SUFU: variants seen among roughly 807,000 people sequenced by gnomAD.
SUFU encodes suppressor of fused homolog.
Under a neutral mutation model 58.9 loss-of-function variants are expected in SUFU, and 7 were observed. The ratio of observed to expected loss-of-function variants is 0.12; its 90% CI spans 0.07 to 0.22. SUFU has a LOEUF of 0.22. SUFU is among the 10% of genes least tolerant of loss of function. The probability of loss-of-function intolerance (pLI) is 1.00; values close to 1 mark genes in which losing one functional copy is unlikely to be tolerated. For synonymous variants in SUFU, 232 were observed against 254.8 expected, an observed-to-expected ratio of 0.91 and a Z score of 0.85; for missense variants, 451 against 641.3, an observed-to-expected ratio of 0.70 and a Z score of 3.20.
intron 6 of SUFU, 21 bp downstream of exon 6, chr10:102,594,086 A>G: frequency 6.2e-7 from 1 of 1,612,986 alleles, no homozygotes; most frequent in Non-Finnish European, 8.5e-7. Context: ...AGTGAGGAAA[A>G]CCTTTCTAGC....
At chr10:102,588,392 CAAAA>C (rs201096208) in intron 3 of SUFU, among the ~76,000 whole-genome samples, 3 of 91,592 alleles carry the variant, frequency 3.3e-5, no homozygotes. Flanking sequence ...GACTCTGTCT[CAAAA>C]AAAAAAAAAA....
chr10:102,600,901 G>A (rs2063509995), intron 8 of SUFU, among the ~76,000 whole-genome samples: 1 of 152,172 alleles, frequency 6.6e-6, no homozygotes, highest in Non-Finnish European at 1.5e-5. Flanking sequence ...CCCTGAAGTA[G>A]CTGGCTGGAG....
chr10:102,554,919 C>T (rs984855524), intron 3 of SUFU, among the ~76,000 whole-genome samples: 1 of 152,184 alleles, frequency 6.6e-6, no homozygotes, highest in Non-Finnish European at 1.5e-5. Flanking sequence ...GTGCCTGGTA[C>T]GCAGTAAGTA....
At chr10:102,535,968 ATGT>A (rs1417092810) in intron 2 of SUFU, among the ~76,000 whole-genome samples, 106 of 147,922 alleles carry the variant, frequency 7.2e-4, no homozygotes, top group African/African-American at 2.1e-3. Flanking sequence ...GATGATGATG[ATGT>A]TGTTGATGAT....
At chr10:102,613,181 G>T (rs933031732) in intron 8 of SUFU, among the ~76,000 whole-genome samples, 1 of 152,254 alleles carries the variant, frequency 6.6e-6, no homozygotes, top group Non-Finnish European at 1.5e-5. Flanking sequence ...GAAAGAGGGA[G>T]ATTAAACAAC....
intron 3 of SUFU, among the ~76,000 whole-genome samples, chr10:102,569,050 G>T (rs944621186): frequency 1.3e-5 from 2 of 149,398 alleles, no homozygotes; most frequent in African/African-American, 5.0e-5. Flanking sequence ...CCCTCTGGAT[G>T]AACTTGCAGA....
intron 1 of SUFU, among the ~76,000 whole-genome samples, chr10:102,505,987 A>C (rs1358675644): frequency 7.0e-6 from 1 of 143,642 alleles, no homozygotes; most frequent in Non-Finnish European, 1.5e-5. Context: ...CCTTGAGGCC[A>C]GGAGTTCGAG....
intron 1 of SUFU, among the ~76,000 whole-genome samples, chr10:102,508,263 C>T (rs563283714): frequency 7.9e-5 from 12 of 152,148 alleles, no homozygotes; most frequent in South Asian, 2.1e-4. Flanking sequence ...TGTGAGCCAC[C>T]GTGCCCGGCC....
At chr10:102,527,089 G>A (rs1221676274) in intron 2 of SUFU, among the ~76,000 whole-genome samples, 2 of 141,486 alleles carry the variant, frequency 1.4e-5, no homozygotes, top group African/African-American at 2.6e-5. Flanking sequence ...TGCAAGCTCC[G>A]CCTTCTGGTG....
intron 3 of SUFU, among the ~76,000 whole-genome samples, chr10:102,580,077 A>G (rs2063260394): frequency 8.6e-6 from 1 of 116,166 alleles, no homozygotes; most frequent in Non-Finnish European, 1.7e-5. Flanking sequence ...TTTCTTTCTT[A>G]AAGAGAGTTT....
chr10:102,604,763 G>A (rs963077061), intron 8 of SUFU, among the ~76,000 whole-genome samples: 1 of 152,030 alleles, frequency 6.6e-6, no homozygotes, highest in African/African-American at 2.4e-5. Flanking sequence ...GGGGATGGCG[G>A]CCCCTGGTGC....
chr10:102,590,232 C>A (rs994720056), intron 3 of SUFU, among the ~76,000 whole-genome samples: 9 of 129,332 alleles, frequency 7.0e-5, no homozygotes, highest in Non-Finnish European at 1.4e-4. Flanking sequence ...GTGGCGCAAT[C>A]TCTGCTCACT....
intron 3 of SUFU, among the ~76,000 whole-genome samples, chr10:102,590,441 A>C (rs2063387647): frequency 6.6e-6 from 1 of 152,060 alleles, no homozygotes; most frequent in Non-Finnish European, 1.5e-5. Flanking sequence ...CTGGGATTAC[A>C]GGCATGAGCC....
At chr10:102,531,851 G>GT (rs2062680901) in intron 2 of SUFU, among the ~76,000 whole-genome samples, 1 of 152,142 alleles carries the variant, frequency 6.6e-6, no homozygotes, top group Admixed American at 6.6e-5. Flanking sequence ...GTTCTTGAGA[G>GT]TGACTGTTAG....
In SUFU at chr10:102,632,320, A is replaced by G; in HGVS notation, c.*2165A>G. ...GGGGGAGCAGGGTAAGGCAGGAGGA[A>G]GTGGGTGAGCTCCGAGATGATGAGC... On this transcript the variant is annotated 3_prime_UTR_variant, in exon 12 of 12. Transcript: ENST00000369902. The G allele has an allele frequency of 4.3e-6, 1 of 233,294 alleles. No individual in the cohort carries two copies. The allele number at this position is 233,294 out of a possible 1,614,324, so 14.5% of individuals were successfully genotyped here. A position where few individuals can be genotyped will look rare whatever the true frequency, so the allele number is the denominator to read the frequency against.
chr10:102,629,965 A>G lies in SUFU; in HGVS notation c.1366-101A>G. ...AGCCACGCCTCCCGCGGCCTGTCCTATCCCTAGCTCCCCGGGGACAGGCCT... is the reference window on the plus strand; with the variant it reads ...AGCCACGCCTCCCGCGGCCTGTCCTGTCCCTAGCTCCCCGGGGACAGGCCT... On this transcript the variant is annotated intron_variant, in intron 11 of 11. Coordinates refer to ENST00000369902, the MANE Select transcript of SUFU (RefSeq NM_016169.4). This position sits in a 1 kb window ranked among gnomAD's most constrained non-coding sequence, Gnocchi z 4.7. 8.9e-7 allele frequency: 1 copy of G among 1,117,952 alleles called. No homozygotes were observed. Among genetic ancestry groups the G allele is most frequent in the East Asian group, 2.3e-5 (1 of 42,592 alleles). 69.3% of individuals were successfully genotyped at this position (1,117,952 alleles called of 1,614,324 possible).
intron 2 of SUFU, among the ~76,000 whole-genome samples, chr10:102,543,550 GA>G (rs2062824695): frequency 6.6e-6 from 1 of 152,034 alleles, no homozygotes; most frequent in Non-Finnish European, 1.5e-5. Flanking sequence ...ACCCTGAAAA[GA>G]AACTCCATCC....
intron 1 of SUFU, among the ~76,000 whole-genome samples, chr10:102,508,541 G>C (rs2062359032): frequency 6.6e-6 from 1 of 152,212 alleles, no homozygotes; most frequent in Non-Finnish European, 1.5e-5. Context: ...GCAGAACTAA[G>C]TTAAGCCTAA....
Position 102,534,352 on chromosome 10 carries a change from G to A in SUFU, c.318-15618G>A, listed in dbSNP as rs532738882. Among the ~76,000 whole-genome samples the A allele has an allele frequency of 6.6e-5, 10 of 152,310 alleles. No homozygotes were observed. In the South Asian group the frequency reaches 1.7e-3, roughly 25 times the overall value. ...GGAGGCAGGAGAATGGCGTGAACCC[G>A]GGAAGCGGAGCTTGTGGTGAGCCAA... is the stretch of plus-strand genomic sequence containing the variant. On this transcript the variant is annotated intron_variant, in intron 2 of 11. Transcript: ENST00000369902.
Sources: allele counts gnomAD v4.1 joint callset (sites outside exome capture counted in the v4.1 genomes callset), GRCh38; gene constraint gnomAD v4.1.1; non-coding constraint Gnocchi (gnomAD v3.1); transcripts MANE v1.5; gene names NCBI Gene and HGNC (gene_info 2026-07-23, HGNC 2026-07-21).